The following ABCG1 variants were observed in gnomAD, a reference collection of about 807,000 sequenced individuals.
ABCG1 encodes ATP-binding cassette sub-family G member 1.
In ABCG1, 29 loss-of-function variants were observed where a neutral mutation model predicts 69.2. The ratio of observed to expected loss-of-function variants is 0.42; its 90% confidence interval spans 0.31 to 0.57. ABCG1 has a LOEUF of 0.57. Among genes scored for constraint, ABCG1 ranks in the 20% least tolerant of loss-of-function variants. The probability of loss-of-function intolerance (pLI) is 0.15; values close to 1 mark genes in which losing one functional copy is unlikely to be tolerated. For synonymous variants in ABCG1, 370 were observed against 374.8 expected (o/e 0.99, Z 0.15); for missense variants, 718 against 898.1 (o/e 0.80, Z 2.56).
At position 42,271,131 on chromosome 21, in the gene ABCG1, T is replaced by G; in HGVS notation, c.348T>G (p.Ile116Met). ...TCAATAGTGGTGAGTTGGTGGCCAT[T>G]ATGGGTCCTTCCGGGGCCGGGAAGT... is the stretch of plus-strand genomic sequence containing the variant. ...GKFNSGELVA[I>M]MGPSGAGKST... The change falls in exon 3 of 15, where the codon ATT (isoleucine) becomes ATG (methionine). Residue 116 changes from isoleucine (I) to methionine (M), a missense_variant. Physicochemically the swap from Ile to Met is conservative, Grantham distance 10 (BLOSUM62 1). This residue lies in a region of ABCG1 where 514 missense variants were observed against 574.3 expected (regional missense o/e 0.90). Transcript: ENST00000398449. The G allele has an allele frequency of 6.3e-7, 1 of 1,584,638 alleles. No individual in the cohort carries two copies.
chr21:42,286,086 C>T (rs1192455080), intron 8 of ABCG1, 92 bp downstream of exon 8: 14 of 823,558 alleles, frequency 1.7e-5, no homozygotes, highest in Non-Finnish European at 2.9e-5. Flanking sequence ...ACTCAGAAAC[C>T]ACTTGACTAC....
chr21:42,243,881 C>T (rs1407782985), intron 2 of ABCG1, among the ~76,000 whole-genome samples: 10 of 128,126 alleles, frequency 7.8e-5, no homozygotes, highest in African/African-American at 1.2e-4. Context: ...TGCAGTGGTG[C>T]GATCTCGGCT....
At chr21:42,216,234 G>T (rs2067638456), upstream of ABCG1, 1 of 418,888 alleles carries the variant, frequency 2.4e-6, no homozygotes, top group Non-Finnish European at 4.8e-6. Flanking sequence ...CCAGTCTCAG[G>T]TATGTCTTTA....
At chr21:42,293,078 CCACACACACTACACACCACACACGGTA>C (rs2069109136) in intron 13 of ABCG1, among the ~76,000 whole-genome samples, 1 of 36,790 alleles carries the variant, frequency 2.7e-5, no homozygotes, top group Admixed American at 2.8e-4. Flanking sequence ...TACACACACA[CCACACACACTACACACCACACACGGTA>C]CACACCACAC....
At chr21:42,283,380 A>AGTC (rs1351119856) in intron 6 of ABCG1, among the ~76,000 whole-genome samples, 1 of 152,120 alleles carries the variant, frequency 6.6e-6, no homozygotes, top group Non-Finnish European at 1.5e-5. Context: ...CCCAACACAC[A>AGTC]CTGTCCCCCG....
At chr21:42,251,050 A>AG (rs75158297) in intron 2 of ABCG1, among the ~76,000 whole-genome samples, 124,699 of 152,050 alleles carry the variant, frequency 0.82, 51,771 homozygotes, top group African/African-American at 0.95. Context: ...GCCTGACCAT[A>AG]CCCTGTGAGG....
chr21:42,274,798 C>T (rs925850026), intron 4 of ABCG1, among the ~76,000 whole-genome samples: 1 of 151,734 alleles, frequency 6.6e-6, no homozygotes, highest in Non-Finnish European at 1.5e-5. Context: ...TTTAAAGGCC[C>T]AACTCATGGC....
chr21:42,218,565 C>T (rs751915378), upstream of ABCG1, among the ~76,000 whole-genome samples: 34 of 152,346 alleles, frequency 2.2e-4, no homozygotes, highest in African/African-American at 4.8e-4. Flanking sequence ...CCATGGCTGG[C>T]GCACAGCAAT....
chr21:42,258,580 T>G (rs1232127318), intron 2 of ABCG1, among the ~76,000 whole-genome samples: 1 of 151,444 alleles, frequency 6.6e-6, no homozygotes, highest in Non-Finnish European at 1.5e-5. Context: ...ATGTTCCCTG[T>G]GTATCCGGTT....
rs111772782 is a variant in ABCG1, at chr21:42,277,581, C to T, written c.588+636C>T. Among the ~76,000 whole-genome samples, 572 of 152,326 alleles carry T rather than the reference C, an allele frequency of 3.8e-3. 5 individuals carry two copies. The highest frequency in any genetic ancestry group is 6.2e-3 in the Non-Finnish European group (424 of 68,032). On this transcript the variant is annotated intron_variant, in intron 5 of 14. Transcript: ENST00000398449. The stretch of plus-strand genomic sequence containing the variant: ...AGGAGGCCACCAGCCTGGACTCACA[C>T]ACCCTCCACGGGAAACCCACTGTCC...
chr21:42,264,774 G>A (rs190617404), intron 2 of ABCG1, among the ~76,000 whole-genome samples: 4 of 152,200 alleles, frequency 2.6e-5, no homozygotes, highest in African/African-American at 9.6e-5. Context: ...GAAAGGGGGA[G>A]GACCAGGAGA....
chr21:42,282,642 G>A (rs2068834107), intron 6 of ABCG1, among the ~76,000 whole-genome samples: 1 of 152,246 alleles, frequency 6.6e-6, no homozygotes, highest in Non-Finnish European at 1.5e-5. Context: ...TGTTGACCCT[G>A]GGGGTATGGC....
chr21:42,214,680 C>G (rs1413447990), upstream of ABCG1, among the ~76,000 whole-genome samples: 1 of 152,240 alleles, frequency 6.6e-6, no homozygotes, highest in African/African-American at 2.4e-5. Flanking sequence ...GCCCTCTTTC[C>G]TACTTACACT....
intron 2 of ABCG1, among the ~76,000 whole-genome samples, chr21:42,240,969 G>A (rs2068043007): frequency 6.6e-6 from 1 of 152,278 alleles, no homozygotes; most frequent in Non-Finnish European, 1.5e-5. Context: ...CGAGGGCACA[G>A]GTGGGGAGTT....
chr21:42,210,523 A>G (rs1015453521), intron 2 of ABCG1, among the ~76,000 whole-genome samples: 1 of 152,190 alleles, frequency 6.6e-6, no homozygotes, highest in Admixed American at 6.5e-5. Context: ...CTTCATTTGA[A>G]GAAATGGTTT....
intron 2 of ABCG1, among the ~76,000 whole-genome samples, chr21:42,234,032 TG>T (rs1365251538): frequency 2.7e-5 from 4 of 148,958 alleles, no homozygotes; most frequent in African/African-American, 5.1e-5. Context: ...TGTTTTTTTT[TG>T]TTGTTGTTGT....
chr21:42,238,984 T>A (rs1422568752), intron 2 of ABCG1, among the ~76,000 whole-genome samples: 1 of 152,250 alleles, frequency 6.6e-6, no homozygotes, highest in Admixed American at 6.5e-5. Context: ...TTGTGGTAAT[T>A]CTAAATTAAT....
intron 13 of ABCG1, among the ~76,000 whole-genome samples, chr21:42,292,462 C>T (rs1482550573): frequency 6.6e-6 from 1 of 152,040 alleles, no homozygotes; most frequent in East Asian, 1.9e-4. Flanking sequence ...CCCCAGTGCA[C>T]CTGCTCAGCC....
At chr21:42,280,835 C>T (rs1009857298) in intron 5 of ABCG1, among the ~76,000 whole-genome samples, 1 of 152,102 alleles carries the variant, frequency 6.6e-6, no homozygotes, top group South Asian at 2.1e-4. Context: ...GATCTGGAGG[C>T]CTCGTCCTGG....
Sources: allele counts gnomAD v4.1 joint callset (sites outside exome capture counted in the v4.1 genomes callset), GRCh38; gene constraint gnomAD v4.1.1; regional missense constraint gnomAD v4.1.1; transcripts MANE v1.5; gene names NCBI Gene and HGNC (gene_info 2026-07-23, HGNC 2026-07-21).